JAK2: variants seen among roughly 807,000 people sequenced by gnomAD.
The protein encoded by JAK2 is Janus kinase 2.
A neutral mutation model predicts 139.3 loss-of-function variants in JAK2; 86 were observed. That is an observed-to-expected ratio of 0.62 (90% CI 0.52 to 0.74). JAK2 has a LOEUF of 0.74. JAK2 is among the 30% of genes least tolerant of loss of function. The pLI is 0.00. For missense variants in JAK2, 1,421 were observed against 1,360.3 expected, an observed-to-expected ratio of 1.04 and a Z score of -0.70; for synonymous variants, 490 against 437.7, an observed-to-expected ratio of 1.12 and a Z score of -1.49.
intron 22 of JAK2, among the ~76,000 whole-genome samples, chr9:5,092,253 C>G (rs891049947): frequency 6.6e-6 from 1 of 152,070 alleles, no homozygotes; most frequent in Admixed American, 6.5e-5. Context: ...GAGTAGAGTG[C>G]TTGGTTGAGG....
At chr9:5,108,771 G>C (rs10815157) in intron 22 of JAK2, 55,759 of 151,804 alleles carry the variant, frequency 0.37, 11,314 homozygotes, top group African/African-American at 0.56. Context: ...TGTAAAATCA[G>C]TTATTGCCTA....
chr9:5,120,995 G>T (rs751321773), intron 22 of JAK2, among the ~76,000 whole-genome samples: 30 of 152,080 alleles, frequency 2.0e-4, no homozygotes. Flanking sequence ...TTATAAATTT[G>T]GGAGACTTTA....
chr9:5,075,347 T>G (rs1449178517), intron 14 of JAK2, among the ~76,000 whole-genome samples: 1 of 152,190 alleles, frequency 6.6e-6, no homozygotes, highest in Non-Finnish European at 1.5e-5. Flanking sequence ...CATCTAGGAC[T>G]TCCACAGCTA....
At chr9:5,041,164 T>C in intron 4 of JAK2, 1 of 1,219,318 alleles carries the variant, frequency 8.2e-7, no homozygotes, top group Non-Finnish European at 1.2e-6. Flanking sequence ...GCATGGATTA[T>C]GTGCACACCA....
rs1038339936 is a variant in JAK2, at chr9:5,115,405, G to A, written c.3060-7599G>A. ...AGAATGGCGATCATTAAAAAGTCAG[G>A]CAACAACAGATGCTGAAGAGGATGT... On this transcript the variant is annotated intron_variant, in intron 22 of 24. Transcript: ENST00000381652. 2.6e-5 allele frequency among the ~76,000 whole-genome samples: 4 copies of A among 152,252 alleles called. No individual in the cohort carries two copies. In the South Asian group the frequency reaches 6.2e-4, roughly 24 times the overall value.
Position 5,029,911 on chromosome 9 carries a change from T to G in JAK2, c.350+5T>G, listed in dbSNP as rs1823032255. 6.4e-7 allele frequency: 1 copy of G among 1,574,768 alleles called. No individual in the cohort carries two copies. Among genetic ancestry groups the G allele is most frequent in the African/African-American group, 1.4e-5 (1 of 72,872 alleles). On this transcript the variant is annotated splice_donor_5th_base_variant and intron_variant, in intron 4 of 24. Coordinates refer to ENST00000381652, the MANE Select transcript of JAK2 (RefSeq NM_004972.4). Reference sequence around the variant, plus strand: ...TAATGTACTCTACAGAATAAGGTACTTTCTTCAGTAAAGTAACTCACTTAA... The same window carrying G: ...TAATGTACTCTACAGAATAAGGTACGTTCTTCAGTAAAGTAACTCACTTAA...
rs1288943335 is a variant in JAK2 at position 4,986,011 on chromosome 9, C to G, written c.-37C>G. ...TGCAGAAAAAGAGGCTCTTCCTCCT[C>G]CTCCCGCGACGGTGGGTGTGCTGTC... is the stretch of plus-strand genomic sequence containing the variant. On this transcript the variant is annotated 5_prime_UTR_variant, in exon 2 of 25. Transcript: ENST00000381652. The G allele has an allele frequency of 1.3e-5, 2 of 152,654 alleles. No individual in the cohort carries two copies. Among genetic ancestry groups the G allele is most frequent in the South Asian group, 2.1e-4 (1 of 4,824 alleles). The allele number at this position is 152,654 out of a possible 1,614,324, so 9.5% of individuals were successfully genotyped here.
At position 5,080,410 on chromosome 9, in the gene JAK2, C is replaced by G. The variant is rs758889132; in HGVS notation, c.2283+30C>G. ...GTTTATATAGACTAAGTTAGAATTACTCTATCTCTGAACTTTCATATTTCT... is the reference window on the plus strand; with the variant it reads ...GTTTATATAGACTAAGTTAGAATTAGTCTATCTCTGAACTTTCATATTTCT... On this transcript the variant is annotated intron_variant, in intron 17 of 24. Transcript: ENST00000381652. The G allele has an allele frequency of 3.2e-6, 5 of 1,567,700 alleles. No individual in the cohort carries two copies. The South Asian group carries it at 5.9e-5, about 19-fold the overall frequency.
chr9:5,012,282 T>G (rs919177474), intron 2 of JAK2, among the ~76,000 whole-genome samples: 4 of 152,218 alleles, frequency 2.6e-5, no homozygotes, highest in African/African-American at 7.2e-5. Flanking sequence ...CCTCATTCAG[T>G]GTATTCCCCT....
At chr9:5,110,010 A>G (rs1340952947) in intron 22 of JAK2, 1 of 152,160 alleles carries the variant, frequency 6.6e-6, no homozygotes, top group Non-Finnish European at 1.5e-5. Context: ...CATTGGTTTT[A>G]TTTTAGTTAT....
At chr9:5,111,478 TGA>T (rs1348530928) in intron 22 of JAK2, 4 of 381,536 alleles carry the variant, frequency 1.0e-5, no homozygotes, top group South Asian at 4.0e-5. Flanking sequence ...CCAGCTCAGG[TGA>T]GGAGTACGGT....
intron 22 of JAK2, chr9:5,111,282 T>G: frequency 2.1e-6 from 1 of 481,266 alleles, no homozygotes; most frequent in Non-Finnish European, 4.0e-6. Context: ...TCAGGCTGGC[T>G]TCCTGCCGGG....
Position 5,126,396 on chromosome 9 carries a change from C to T in JAK2, c.3241C>T (p.Leu1081Phe), listed in dbSNP as rs377212884. Residue 1081 changes from leucine (L) to phenylalanine (F), a missense_variant, in exon 24 of 25, where the codon CTT (leucine) becomes TTT (phenylalanine). Leu to Phe is a conservative substitution (Grantham distance 22, BLOSUM62 0). Coordinates refer to ENST00000381652, the MANE Select transcript of JAK2 (RefSeq NM_004972.4). Reference sequence around the variant, plus strand: ...GATGATCGTGTTCCATTTGATAGAACTTTTGAAGAATAATGGAAGATTACC... The same window carrying T: ...GATGATCGTGTTCCATTTGATAGAATTTTTGAAGAATAATGGAAGATTACC... ...GQMIVFHLIE[L>F]LKNNGRLPRP... 2.5e-6 allele frequency: 4 copies of T among 1,610,480 alleles called. No homozygotes were observed. The highest frequency in any genetic ancestry group is 1.6e-4 in the Middle Eastern group (1 of 6,070).
intron 22 of JAK2, chr9:5,112,775 G>A (rs984069048): frequency 2.5e-5 from 15 of 598,356 alleles, no homozygotes; most frequent in South Asian, 1.9e-4. Flanking sequence ...GCGCGTGTTC[G>A]GAGGCCCCCA....
intron 5 of JAK2, among the ~76,000 whole-genome samples, chr9:5,049,906 G>T (rs1183481652): frequency 6.6e-6 from 1 of 152,120 alleles, no homozygotes; most frequent in Non-Finnish European, 1.5e-5. Flanking sequence ...AAGTATTTGT[G>T]TAGTTAAACA....
At chr9:5,125,568 T>A (rs1315061785) in intron 23 of JAK2, among the ~76,000 whole-genome samples, 2 of 151,586 alleles carry the variant, frequency 1.3e-5, no homozygotes, top group Non-Finnish European at 3.0e-5. Context: ...AAAATTTTTT[T>A]AATTTCAAAA....
chr9:5,094,933 T>C lies in JAK2; in HGVS notation c.3059+4022T>C, dbSNP rs375045489. On this transcript the variant is annotated intron_variant, in intron 22 of 24. Coordinates refer to ENST00000381652, the MANE Select transcript of JAK2 (RefSeq NM_004972.4). ...CACTACAACCAACTCATATACCTTT[T>C]ATGAAAAAATTTCCTACCACTTACA... is the stretch of plus-strand genomic sequence containing the variant. The C allele has an allele frequency of 7.9e-5, 12 of 152,284 alleles. No homozygotes were observed. In the East Asian group the frequency reaches 1.4e-3, roughly 17 times the overall value. The allele number at this position is 152,284 out of a possible 1,614,324, so 9.4% of individuals were successfully genotyped here.
chr9:5,003,788 C>G (rs914176276), intron 2 of JAK2, among the ~76,000 whole-genome samples: 4 of 151,974 alleles, frequency 2.6e-5, no homozygotes, highest in African/African-American at 9.7e-5. Context: ...TTTTTGAACT[C>G]TAGAAGAACA....
In JAK2 at chr9:5,101,220, G is replaced by A. The variant is rs1223463965; in HGVS notation, c.3059+10309G>A. On this transcript the variant is annotated intron_variant, in intron 22 of 24. Coordinates refer to ENST00000381652, the MANE Select transcript of JAK2 (RefSeq NM_004972.4). ...AACAGTCTTACCAAATGGCACACCA[G>A]GAGATTATATCCCATGTCTGGCTTG... Among the ~76,000 whole-genome samples, 4 of 152,252 alleles carry A rather than the reference G, an allele frequency of 2.6e-5. 1 individual carries two copies. Among genetic ancestry groups the A allele is most frequent in the Admixed American group, 1.3e-4 (2 of 15,292 alleles).
Sources: gnomAD v4.1 joint callset for allele counts (sites outside exome capture counted in the v4.1 genomes callset) on GRCh38, gnomAD v4.1.1 for gene constraint, MANE v1.5 for transcripts, NCBI Gene and HGNC (gene_info 2026-07-23, HGNC 2026-07-21) for gene names.